Variants in FGFR1 observed in about 807,000 individuals in gnomAD.
The protein encoded by FGFR1 is FGFR1/PLAG1 fusion.
In FGFR1, 18 loss-of-function variants were observed where a neutral mutation model predicts 93.7. That is an observed-to-expected ratio of 0.19 (90% confidence interval 0.13 to 0.28). The LOEUF is 0.28. Among genes scored for constraint, FGFR1 ranks in the 10% least tolerant of loss-of-function variants. The pLI is 1.00. For missense variants in FGFR1, 731 were observed against 1,080.4 expected, an observed-to-expected ratio of 0.68 and a Z score of 4.53; for synonymous variants, 448 against 429.3, an observed-to-expected ratio of 1.04 and a Z score of -0.54.
At chr8:38,458,970 C>G (rs1302225948) in intron 1 of FGFR1, 1 of 221,546 alleles carries the variant, frequency 4.5e-6, no homozygotes, top group Non-Finnish European at 9.0e-6. Context: ...GGAGGTCCCA[C>G]TGCAGAATCA....
Position 38,428,098 on chromosome 8 carries a change from C to T in FGFR1, c.449-5G>A. On this transcript the variant is annotated splice_polypyrimidine_tract_variant and splice_region_variant and intron_variant, in intron 4 of 17. Coordinates refer to ENST00000447712, the MANE Select transcript of FGFR1 (RefSeq NM_023110.3). Reference sequence around the variant, plus strand: ...ATGTCCAATATGGAGCTACGGCTGCCCGGGGAAAGCCAAGAGAGACAGGCA... The same window carrying T: ...ATGTCCAATATGGAGCTACGGCTGCTCGGGGAAAGCCAAGAGAGACAGGCA... 1.2e-6 allele frequency: 2 copies of T among 1,614,000 alleles called. No individual in the cohort carries two copies. The highest frequency in any genetic ancestry group is 1.7e-6 in the Non-Finnish European group (2 of 1,180,044).
intron 8 of FGFR1, chr8:38,419,968 C>T: frequency 1.8e-6 from 1 of 553,642 alleles, no homozygotes. Context: ...GGCCTAGAAC[C>T]ATCGTGCTAC....
chr8:38,438,542 CAAA>C (rs544625250), intron 2 of FGFR1, among the ~76,000 whole-genome samples: 7 of 76,290 alleles, frequency 9.2e-5, no homozygotes, highest in Non-Finnish European at 8.2e-5. Context: ...GACTCCGTCT[CAAA>C]AAAAAAAAAA....
chr8:38,452,149 T>C (rs952356449), intron 2 of FGFR1, among the ~76,000 whole-genome samples: 8 of 150,708 alleles, frequency 5.3e-5, no homozygotes, highest in East Asian at 3.9e-4. Context: ...CTGAGGGGCG[T>C]TGGTACTGCG....
At chr8:38,431,452 C>T (rs1823095270) in intron 2 of FGFR1, among the ~76,000 whole-genome samples, 1 of 152,214 alleles carries the variant, frequency 6.6e-6, no homozygotes. Flanking sequence ...GAAATGCTTG[C>T]TCAATAAATA....
intron 2 of FGFR1, among the ~76,000 whole-genome samples, chr8:38,449,612 CCT>C (rs1830426178): frequency 6.6e-6 from 1 of 152,224 alleles, no homozygotes; most frequent in African/African-American, 2.4e-5. Flanking sequence ...CTTCAGGCTC[CCT>C]GTGTCTCCAT....
Position 38,411,374 on chromosome 8 carries a change from T to A in FGFR1, c.*2254A>T, listed in dbSNP as rs1456888866. ...ATCACTGTTTTACAAGGAAAGACAC[T>A]CCTGTGCGGTCTCAAAGCAAATGCT... On this transcript the variant is annotated 3_prime_UTR_variant, in exon 18 of 18. Transcript: ENST00000447712. 2 of 220,118 alleles carry A rather than the reference T, an allele frequency of 9.1e-6. No individual in the cohort carries two copies. Among genetic ancestry groups the A allele is most frequent in the Non-Finnish European group, 1.8e-5 (2 of 109,932 alleles). The allele number at this position is 220,118 out of a possible 1,614,324, so 13.6% of individuals were successfully genotyped here.
chr8:38,428,244 G>T, intron 4 of FGFR1, 102 bp downstream of exon 4: 1 of 1,466,338 alleles, frequency 6.8e-7, no homozygotes, highest in South Asian at 1.1e-5. Flanking sequence ...CAGGCACCGT[G>T]ACCCCATGTG....
In FGFR1 at chr8:38,416,119, C is replaced by G. The variant is rs900864236; in HGVS notation, c.1664-59G>C. 2.9e-5 allele frequency: 44 copies of G among 1,500,572 alleles called. 1 individual carries two copies. In the South Asian group the frequency reaches 4.9e-4, roughly 17 times the overall value. The allele number at this position is 1,500,572 out of a possible 1,614,324, so 93.0% of individuals were successfully genotyped here. On this transcript the variant is annotated intron_variant, in intron 12 of 17. Coordinates refer to ENST00000447712, the MANE Select transcript of FGFR1 (RefSeq NM_023110.3). ...CAGCAGGTGAGCAGGTTTGGCTTCA[C>G]CTCAAAGAAACCCCACCCCCAGCAG...
At chr8:38,458,865 G>C (rs1380503592) in intron 1 of FGFR1, 2 of 220,936 alleles carry the variant, frequency 9.1e-6, no homozygotes, top group East Asian at 1.3e-4. Context: ...TAAGAGTGTG[G>C]AGCCAGGAGG....
chr8:38,443,790 A>G (rs2151156685), intron 2 of FGFR1, among the ~76,000 whole-genome samples: 1 of 152,194 alleles, frequency 6.6e-6, no homozygotes, highest in South Asian at 2.1e-4. Context: ...TCGGTGGCTC[A>G]CGCCTGTAAA....
At chr8:38,431,284 C>T (rs377127768) in intron 2 of FGFR1, among the ~76,000 whole-genome samples, 121 of 152,280 alleles carry the variant, frequency 7.9e-4, no homozygotes, top group Admixed American at 1.1e-3. Context: ...TCCTCCAGGG[C>T]GGTGCTGACT....
In FGFR1 at chr8:38,413,664, T is replaced by C. The variant is rs770921947; in HGVS notation, c.2433A>G (p.Pro811=). The change falls in exon 18 of 18, where the codon CCA becomes CCG. Residue 811 remains proline, a synonymous_variant. Transcript: ENST00000447712. The surrounding 1 kb of genome is among the most constrained non-coding windows in gnomAD (Gnocchi z 4.2). ...LPEEPCLPRH[P]AQLANGGLKR... ...TGAGTCCGCCATTGGCAAGCTGGGC[T>C]GGGTGTCGGGGCAGGCAGGGCTCCT... 6.2e-7 allele frequency: 1 copy of C among 1,613,286 alleles called. No individual in the cohort carries two copies. The highest frequency in any genetic ancestry group is 1.1e-5 in the South Asian group (1 of 90,902).
Position 38,424,269 on chromosome 8 carries a change from T to C in FGFR1, c.936+240A>G, listed in dbSNP as rs749868775. On this transcript the variant is annotated intron_variant, in intron 7 of 17. Transcript: ENST00000447712. This position sits in a 1 kb window ranked among gnomAD's most constrained non-coding sequence, Gnocchi z 4.3. ...CCAGTGACGTTGCTCTCAAAGCTTA[T>C]TACAGACCAGCACCACCCATCCCTG... 24 of 683,670 alleles carry C rather than the reference T, an allele frequency of 3.5e-5. No homozygotes were observed. The highest frequency in any genetic ancestry group is 2.9e-4 in the Admixed American group (14 of 48,226). The allele number at this position is 683,670 out of a possible 1,614,324, so 42.4% of individuals were successfully genotyped here.
rs1277935252 is a variant in FGFR1 at position 38,429,645 on chromosome 8, G to T, written c.358+37C>A. ...TGGCAGAGAGGGCTGGAGGGGGTGGGTCTAGGGAGGGGCAAGGGCAGGGCT... is the reference window on the plus strand; with the variant it reads ...TGGCAGAGAGGGCTGGAGGGGGTGGTTCTAGGGAGGGGCAAGGGCAGGGCT... On this transcript the variant is annotated intron_variant, in intron 3 of 17. Transcript: ENST00000447712. The surrounding 1 kb of genome is among the most constrained non-coding windows in gnomAD (Gnocchi z 4.4). 8.4e-6 allele frequency: 13 copies of T among 1,551,436 alleles called. No individual in the cohort carries two copies. The highest frequency in any genetic ancestry group is 1.0e-5 in the Non-Finnish European group (12 of 1,146,560).
intron 2 of FGFR1, among the ~76,000 whole-genome samples, chr8:38,442,972 A>C (rs1828022663): frequency 6.6e-6 from 1 of 152,222 alleles, no homozygotes; most frequent in Non-Finnish European, 1.5e-5. Flanking sequence ...AATGGGCTTC[A>C]TAAAGTTACT....
intron 2 of FGFR1, among the ~76,000 whole-genome samples, chr8:38,436,841 C>A (rs910143849): frequency 6.6e-6 from 1 of 152,124 alleles, no homozygotes; most frequent in Non-Finnish European, 1.5e-5. Flanking sequence ...TACTTTCCCC[C>A]CAAATACTGC....
At chr8:38,423,382 C>T (rs544136560) in intron 7 of FGFR1, 47 of 481,638 alleles carry the variant, frequency 9.8e-5, no homozygotes, top group South Asian at 8.8e-4. Context: ...AGTGCAGTGG[C>T]GTGATCTCAG....
At chr8:38,466,992 G>A (rs968778778) in intron 1 of FGFR1, among the ~76,000 whole-genome samples, 15 of 149,808 alleles carry the variant, frequency 1.0e-4, no homozygotes, top group Non-Finnish European at 1.9e-4. Flanking sequence ...AAATTCCTCC[G>A]CAAACATGGG....
Sources: allele counts gnomAD v4.1 joint callset (sites outside exome capture counted in the v4.1 genomes callset), GRCh38; gene constraint gnomAD v4.1.1; non-coding constraint Gnocchi (gnomAD v3.1); transcripts MANE v1.5; gene names NCBI Gene and HGNC (gene_info 2026-07-23, HGNC 2026-07-21).